Variants in DOP1B observed in about 807,000 individuals in gnomAD.
The protein encoded by DOP1B is protein DOP1B.
Under a neutral mutation model 233.5 loss-of-function variants are expected in DOP1B, and 174 were observed. The observed-to-expected ratio is 0.75, with a 90% CI of 0.66 to 0.85. The LOEUF is 0.85. DOP1B is among the 40% of genes least tolerant of loss of function. The probability of loss-of-function intolerance (pLI) is 0.00; values close to 1 mark genes in which losing one functional copy is unlikely to be tolerated. For synonymous variants in DOP1B, 1,190 were observed against 1,185.6 expected, an observed-to-expected ratio of 1.00 and a Z score of -0.08; for missense variants, 2,652 against 2,846.6, an observed-to-expected ratio of 0.93 and a Z score of 1.56.
intron 27 of DOP1B, among the ~76,000 whole-genome samples, chr21:36,276,141 G>A (rs2067347645): frequency 6.6e-6 from 1 of 152,112 alleles, no homozygotes; most frequent in Non-Finnish European, 1.5e-5. Context: ...AAGGGGTCGT[G>A]CAGTTTCAAG....
intron 12 of DOP1B, among the ~76,000 whole-genome samples, chr21:36,226,083 AG>A (rs1334950201): frequency 6.6e-6 from 1 of 152,198 alleles, no homozygotes; most frequent in Non-Finnish European, 1.5e-5. Context: ...GCCACTTGCA[AG>A]GAGAGGAGTA....
chr21:36,171,204 G>A (rs924675135), intron 2 of DOP1B, among the ~76,000 whole-genome samples: 5 of 152,194 alleles, frequency 3.3e-5, no homozygotes, highest in African/African-American at 1.2e-4. Flanking sequence ...CCTTCTTCAT[G>A]TCAGTATCTG....
In DOP1B at chr21:36,214,464, A is replaced by T. The variant is rs1366125036; in HGVS notation, c.1037A>T (p.Gln346Leu). 5.6e-6 allele frequency: 9 copies of T among 1,613,208 alleles called. No homozygotes were observed. Among genetic ancestry groups the T allele is most frequent in the African/African-American group, 1.3e-5 (1 of 74,880 alleles). Residue 346 changes from glutamine to leucine, a missense_variant, in exon 9 of 37, where the codon CAG (glutamine) becomes CTG (leucine). By Grantham distance (113) the Gln-to-Leu change is moderately radical. Transcript: ENST00000691173. ...LVEGLAEILH[Q>L]KFIDADVEER... is the part of the protein sequence containing the mutation. ...TAGGGTTTGGCTGAGATATTGCATCAGAAGTTCATAGATGCTGACGTGGAG... is the reference window on the plus strand; with the variant it reads ...TAGGGTTTGGCTGAGATATTGCATCTGAAGTTCATAGATGCTGACGTGGAG...
rs1462415786 is a variant in DOP1B, at chr21:36,238,685, A to T, written c.2860A>T (p.Asn954Tyr). 3 of 1,614,180 alleles carry T rather than the reference A, an allele frequency of 1.9e-6. No individual in the cohort carries two copies. In the Admixed American group the frequency reaches 5.0e-5, roughly 27 times the overall value. Reference protein sequence around the residue: ...EIQGSRVTSHNRSFDRSLFVV... With the variant: ...EIQGSRVTSHYRSFDRSLFVV... ...CCAAGGCAGTCGAGTAACATCTCAC[A>T]ATCGCTCCTTTGATAGGTGAGGCGG... The change falls in exon 17 of 37, where the codon AAT (asparagine) becomes TAT (tyrosine). Residue 954 changes from asparagine (N) to tyrosine (Y), a missense_variant. By Grantham distance (143) the Asn-to-Tyr change is moderately radical. This residue lies in a region of DOP1B where 2,617 missense variants were observed against 2,794.3 expected (regional missense o/e 0.94). Transcript: ENST00000691173.
Position 36,230,552 on chromosome 21 carries a change from G to A in DOP1B, c.1768G>A (p.Gly590Arg). The A allele has an allele frequency of 6.2e-7, 1 of 1,614,218 alleles. No homozygotes were observed. The highest frequency in any genetic ancestry group is 8.5e-7 in the Non-Finnish European group (1 of 1,180,044). Residue 590 changes from glycine to arginine, a missense_variant, in exon 14 of 37, where the codon GGG (glycine) becomes AGG (arginine). Gly to Arg is a moderately radical substitution (Grantham distance 125). Transcript: ENST00000691173. ...SFPPLKSEDS[G>R]IGLSASSPEL... ...TCCCCCTCTGAAGTCTGAGGACAGTGGGATCGGGCTCAGTGCCTCGTCACC... is the reference window on the plus strand; with the variant it reads ...TCCCCCTCTGAAGTCTGAGGACAGTAGGATCGGGCTCAGTGCCTCGTCACC...
intron 32 of DOP1B, among the ~76,000 whole-genome samples, chr21:36,282,025 G>C (rs1222154459): frequency 1.3e-5 from 2 of 152,122 alleles, no homozygotes; most frequent in African/African-American, 4.8e-5. Flanking sequence ...GTACTAGAGG[G>C]GTCTACTGCG....
intron 26 of DOP1B, among the ~76,000 whole-genome samples, chr21:36,265,392 G>A (rs887890496): frequency 1.9e-4 from 28 of 149,722 alleles, no homozygotes; most frequent in East Asian, 2.0e-4. Flanking sequence ...GTGAAACTTC[G>A]TCTCAAAAAC....
At chr21:36,256,096 T>C (rs1423430038) in intron 23 of DOP1B, among the ~76,000 whole-genome samples, 1 of 152,212 alleles carries the variant, frequency 6.6e-6, no homozygotes, top group African/African-American at 2.4e-5. Context: ...CAGGGATTTA[T>C]TTCAATCTTG....
intron 2 of DOP1B, among the ~76,000 whole-genome samples, chr21:36,193,806 TCTC>T (rs1313372098): frequency 6.6e-6 from 1 of 152,094 alleles, no homozygotes; most frequent in African/African-American, 2.4e-5. Flanking sequence ...GGTTCTCCCT[TCTC>T]CACTGGGCTA....
chr21:36,237,437 T>G, intron 16 of DOP1B, 23 bp downstream of exon 16: 1 of 1,612,754 alleles, frequency 6.2e-7, no homozygotes, highest in Non-Finnish European at 8.5e-7. Flanking sequence ...GGCCGCCACC[T>G]CCATCCTGCA....
chr21:36,291,767 T>C (rs2067562337), intron 35 of DOP1B, among the ~76,000 whole-genome samples: 1 of 152,078 alleles, frequency 6.6e-6, no homozygotes, highest in Admixed American at 6.6e-5. Context: ...AATATGATGC[T>C]AAGTGAAAGC....
At chr21:36,290,595 A>G (rs913213080) in intron 35 of DOP1B, among the ~76,000 whole-genome samples, 2 of 152,148 alleles carry the variant, frequency 1.3e-5, no homozygotes, top group African/African-American at 4.8e-5. Context: ...GTTTGGGATC[A>G]GCCTGACCAA....
intron 16 of DOP1B, among the ~76,000 whole-genome samples, chr21:36,238,370 A>G (rs1287081456): frequency 6.6e-6 from 1 of 152,150 alleles, no homozygotes. Context: ...GGACTCTAAT[A>G]CTGAGTTCTG....
intron 27 of DOP1B, among the ~76,000 whole-genome samples, chr21:36,273,143 A>G (rs993397390): frequency 1.3e-5 from 2 of 151,702 alleles, no homozygotes; most frequent in Non-Finnish European, 2.9e-5. Context: ...GCAGAGGCTC[A>G]CACCTGTAAT....
intron 4 of DOP1B, among the ~76,000 whole-genome samples, chr21:36,201,494 C>T (rs958039337): frequency 6.6e-6 from 1 of 151,740 alleles, no homozygotes; most frequent in African/African-American, 2.4e-5. Context: ...ATTACAGGCT[C>T]GTGCCACCAC....
At chr21:36,168,944 A>G in intron 2 of DOP1B, 1 of 654,158 alleles carries the variant, frequency 1.5e-6, no homozygotes, top group Non-Finnish European at 2.7e-6. Flanking sequence ...TTGAGACCCC[A>G]CCAGGTGCAA....
chr21:36,225,475 C>G, intron 11 of DOP1B, 90 bp from the exon 12 acceptor site: 3 of 1,404,450 alleles, frequency 2.1e-6, no homozygotes, highest in Non-Finnish European at 3.0e-6. Flanking sequence ...AGACAGTCCA[C>G]CCATCTCGGC....
intron 27 of DOP1B, among the ~76,000 whole-genome samples, chr21:36,273,899 C>A (rs2067319624): frequency 6.6e-6 from 1 of 151,960 alleles, no homozygotes; most frequent in Non-Finnish European, 1.5e-5. Context: ...CATGGTGAAA[C>A]CCCGTCTCTA....
rs767805896 is a variant in DOP1B, at chr21:36,237,366, C to G, written c.2727C>G (p.Ala909=). The change falls in exon 16 of 37, where the codon GCC becomes GCG. Residue 909 remains alanine (A), a synonymous_variant. Transcript: ENST00000691173. ...GGCTGCACTGCCTGGCCCCTACGGC[C>G]AACATCTGCGAGGACATCATCTGCC... is the stretch of plus-strand genomic sequence containing the variant. ...FYRLHCLAPT[A]NICEDIICHA... is the part of the protein sequence containing the mutation. The G allele has an allele frequency of 3.7e-6, 6 of 1,614,084 alleles. No homozygotes were observed. The highest frequency in any genetic ancestry group is 3.3e-5 in the Admixed American group (2 of 59,992).
Sources: allele counts gnomAD v4.1 joint callset (sites outside exome capture counted in the v4.1 genomes callset), GRCh38; gene constraint gnomAD v4.1.1; regional missense constraint gnomAD v4.1.1; transcripts MANE v1.5; gene names NCBI Gene and HGNC (gene_info 2026-07-23, HGNC 2026-07-21).